Variants in ANO4 observed in about 807,000 individuals in gnomAD.
ANO4 encodes the protein anoctamin 4, also known as anoctamin-4.
In ANO4, 69 loss-of-function variants were observed where a neutral mutation model predicts 141.9. That is an observed-to-expected ratio of 0.49 (90% CI 0.40 to 0.59). ANO4 has a LOEUF of 0.59. ANO4 is among the 20% of genes least tolerant of loss of function. The probability of loss-of-function intolerance (pLI) is 0.00; values close to 1 mark genes in which losing one functional copy is unlikely to be tolerated. For missense variants in ANO4, 894 were observed against 1,162.2 expected (o/e 0.77, Z 3.36); for synonymous variants, 350 against 394.3 (o/e 0.89, Z 1.33).
intron 3 of ANO4, among the ~76,000 whole-genome samples, chr12:100,780,496 T>C (rs1230873152): frequency 6.6e-6 from 1 of 152,174 alleles, no homozygotes; most frequent in Non-Finnish European, 1.5e-5. Context: ...GGGAAAGGAT[T>C]AGGTAGCTCC....
chr12:100,868,988 A>AC (rs2038899695), intron 1 of ANO4, among the ~76,000 whole-genome samples: 1 of 152,164 alleles, frequency 6.6e-6, no homozygotes, highest in Non-Finnish European at 1.5e-5. Flanking sequence ...TAGTTTGCCA[A>AC]CCCCCTTCTC....
rs569768443 is a variant in ANO4, at chr12:100,978,882, T to A, written c.602+3993T>A. 1.8e-4 allele frequency among the ~76,000 whole-genome samples: 28 copies of A among 152,260 alleles called. 1 individual carries two copies. Among genetic ancestry groups the A allele is most frequent in the African/African-American group, 6.7e-4 (28 of 41,554 alleles). ...TTCTGTATTATAACTCAACAGTAGATTTCTTAGGTGTTGGTGTCTTAAAGG... is the reference window on the plus strand; with the variant it reads ...TTCTGTATTATAACTCAACAGTAGAATTCTTAGGTGTTGGTGTCTTAAAGG... On this transcript the variant is annotated intron_variant, in intron 7 of 27. Transcript: ENST00000392977.
chr12:100,792,930 A>T (rs1448171084), upstream of ANO4, among the ~76,000 whole-genome samples: 1 of 152,246 alleles, frequency 6.6e-6, no homozygotes, highest in African/African-American at 2.4e-5. Flanking sequence ...TCGATTTCAG[A>T]AATTATTTGT....
chr12:101,068,901 C>T, intron 14 of ANO4: 1 of 838,368 alleles, frequency 1.2e-6, no homozygotes, highest in Non-Finnish European at 2.1e-6. Context: ...TAACAGAGCT[C>T]CTCCGATACT....
At position 101,048,407 on chromosome 12, in the gene ANO4, T is replaced by C; in HGVS notation, c.1312+6T>C. On this transcript the variant is annotated splice_donor_region_variant and intron_variant, in intron 14 of 27. Coordinates refer to ENST00000392977, the MANE Select transcript of ANO4 (RefSeq NM_001286615.2). The stretch of plus-strand genomic sequence containing the variant: ...TGTTTTCATGGCAGTCTGGGGTAAG[T>C]GTTCTATAACCATAAAACTTGAGTT... 2 of 1,613,194 alleles carry C rather than the reference T, an allele frequency of 1.2e-6. No homozygotes were observed. The highest frequency in any genetic ancestry group is 1.7e-6 in the Non-Finnish European group (2 of 1,179,258).
chr12:100,864,757 ACAT>A (rs2038666872), intron 1 of ANO4, among the ~76,000 whole-genome samples: 1 of 152,170 alleles, frequency 6.6e-6, no homozygotes, highest in African/African-American at 2.4e-5. Context: ...ACATAGATAT[ACAT>A]GCGCCATGGT....
chr12:100,858,455 A>G (rs1565942800), intron 1 of ANO4, among the ~76,000 whole-genome samples: 1 of 152,158 alleles, frequency 6.6e-6, no homozygotes, highest in Non-Finnish European at 1.5e-5. Context: ...TACCAAATAG[A>G]GAAGATTGGC....
chr12:100,736,827 A>T (rs1325705521), intron 2 of ANO4, among the ~76,000 whole-genome samples: 1 of 152,126 alleles, frequency 6.6e-6, no homozygotes, highest in South Asian at 2.1e-4. Flanking sequence ...AAGCCAAGGA[A>T]TACCCTGGGA....
chr12:101,113,446 G>A (rs1338450685), intron 24 of ANO4, among the ~76,000 whole-genome samples: 1 of 152,056 alleles, frequency 6.6e-6, no homozygotes, highest in African/African-American at 2.4e-5. Context: ...GGGCTCTTTG[G>A]AGCTTTTCTT....
At position 100,900,568 on chromosome 12, in the gene ANO4, C is replaced by A. The variant is rs191572480; in HGVS notation, c.-140-1078C>A. Among the ~76,000 whole-genome samples the A allele has an allele frequency of 5.3e-5, 8 of 151,576 alleles. No individual in the cohort carries two copies. In the East Asian group the frequency reaches 1.6e-3, roughly 29 times the overall value. On this transcript the variant is annotated intron_variant, in intron 1 of 27. Coordinates refer to ENST00000392977, the MANE Select transcript of ANO4 (RefSeq NM_001286615.2). ...CATGCAGTGTTTGGGTTTTTCTGTCCGTCAATGATAGACTGGATTAAGAAA... is the reference window on the plus strand; with the variant it reads ...CATGCAGTGTTTGGGTTTTTCTGTCAGTCAATGATAGACTGGATTAAGAAA...
intron 7 of ANO4, among the ~76,000 whole-genome samples, chr12:100,985,163 T>C (rs2136324129): frequency 6.6e-6 from 1 of 152,308 alleles, no homozygotes; most frequent in African/African-American, 2.4e-5. Context: ...CCAAGAGCCA[T>C]GGGGAAGGCC....
At chr12:100,802,172 G>T (rs1425615737) in intron 1 of ANO4, among the ~76,000 whole-genome samples, 2 of 152,146 alleles carry the variant, frequency 1.3e-5, no homozygotes, top group Non-Finnish European at 2.9e-5. Flanking sequence ...AACCCCCTGG[G>T]TCTTTGGTGC....
intron 3 of ANO4, among the ~76,000 whole-genome samples, chr12:100,765,816 G>A (rs1430593222): frequency 6.6e-6 from 1 of 150,488 alleles, no homozygotes; most frequent in African/African-American, 2.4e-5. Flanking sequence ...TGAATACATT[G>A]TAGAAGGATT....
chr12:101,088,718 CA>C (rs2049612132), intron 17 of ANO4, among the ~76,000 whole-genome samples: 1 of 151,912 alleles, frequency 6.6e-6, no homozygotes, highest in African/African-American at 2.4e-5. Context: ...CCCAGCACCC[CA>C]TCTCTACAAA....
Position 101,075,316 on chromosome 12 carries a change from G to A in ANO4, c.1313-3877G>A, listed in dbSNP as rs960605772. On this transcript the variant is annotated intron_variant, in intron 14 of 27. Coordinates refer to ENST00000392977, the MANE Select transcript of ANO4 (RefSeq NM_001286615.2). The stretch of plus-strand genomic sequence containing the variant: ...GAGTTGGGCTTATGAGCTTTGCATC[G>A]TGAGCTGCTAACAGATTTTATTCTA... Among the ~76,000 whole-genome samples the A allele has an allele frequency of 3.9e-5, 6 of 152,308 alleles. No individual in the cohort carries two copies. The East Asian group carries it at 9.6e-4, about 24-fold the overall frequency.
intron 1 of ANO4, among the ~76,000 whole-genome samples, chr12:100,830,882 T>A (rs976097256): frequency 6.6e-6 from 1 of 152,100 alleles, no homozygotes; most frequent in Non-Finnish European, 1.5e-5. Flanking sequence ...TGGATTTTTT[T>A]AAGTTATTTT....
intron 2 of ANO4, chr12:100,739,840 G>A (rs914598374): frequency 1.4e-6 from 1 of 701,738 alleles, no homozygotes; most frequent in Non-Finnish European, 2.6e-6. Context: ...CACCTAATAT[G>A]TTTATCTCAC....
chr12:100,904,414 A>G (rs149423820), intron 2 of ANO4, among the ~76,000 whole-genome samples: 1 of 152,260 alleles, frequency 6.6e-6, no homozygotes, highest in East Asian at 1.9e-4. Flanking sequence ...AAAGTAGGGG[A>G]AGAGGGTAGC....
chr12:100,795,724 C>T (rs1593347631), intron 1 of ANO4, among the ~76,000 whole-genome samples: 1 of 152,276 alleles, frequency 6.6e-6, no homozygotes, highest in African/African-American at 2.4e-5. Flanking sequence ...ATGACAGGAA[C>T]ATTTTTGAGT....
Sources: gnomAD v4.1 joint callset for allele counts (sites outside exome capture counted in the v4.1 genomes callset) on GRCh38, gnomAD v4.1.1 for gene constraint, MANE v1.5 for transcripts, NCBI Gene and HGNC (gene_info 2026-07-23, HGNC 2026-07-21) for gene names.